CSN3: variants seen among roughly 807,000 people sequenced by gnomAD.
The protein encoded by CSN3 is casein kappa.
A neutral mutation model predicts 9.9 loss-of-function variants in CSN3; 7 were observed. The ratio of observed to expected loss-of-function variants is 0.71; its 90% CI spans 0.40 to 1.33. CSN3 has a LOEUF of 1.33. Among genes scored for constraint, CSN3 ranks in the 40% most tolerant of loss-of-function variants. CSN3 has a pLI of 0.01. For synonymous variants in CSN3, 88 were observed against 82.3 expected (o/e 1.07, Z -0.37); for missense variants, 253 against 227.9 (o/e 1.11, Z -0.71).
intron 2 of CSN3, among the ~76,000 whole-genome samples, chr4:70,247,437 G>A (rs1730401960): frequency 6.6e-6 from 1 of 152,006 alleles, no homozygotes; most frequent in African/African-American, 2.4e-5. Context: ...AAGGAAAAAA[G>A]GCTCAATGCT....
intron 2 of CSN3, among the ~76,000 whole-genome samples, chr4:70,246,523 AAAAG>A (rs1011637409): frequency 6.6e-6 from 1 of 152,090 alleles, no homozygotes; most frequent in African/African-American, 2.4e-5. Flanking sequence ...ATAAATAAAA[AAAAG>A]AGACACCACA....
At chr4:70,246,836 T>C (rs536803226) in intron 2 of CSN3, among the ~76,000 whole-genome samples, 1 of 152,114 alleles carries the variant, frequency 6.6e-6, no homozygotes, top group South Asian at 2.1e-4. Context: ...CATGCCCAGC[T>C]AATTTTTGTA....
Position 70,242,864 on chromosome 4 carries a change from T to C in CSN3, c.-9+199T>C, listed in dbSNP as rs536659998. Reference sequence around the variant, plus strand: ...TTATGTTCAAATTTATTTTTAACTTTACTTTGGGTTCCAGTCAAATTCTGA... The same window carrying C: ...TTATGTTCAAATTTATTTTTAACTTCACTTTGGGTTCCAGTCAAATTCTGA... On this transcript the variant is annotated intron_variant, in intron 1 of 4. Transcript: ENST00000304954. Among the ~76,000 whole-genome samples, 4 of 152,262 alleles carry C rather than the reference T, an allele frequency of 2.6e-5. No homozygotes were observed. The East Asian group carries it at 5.8e-4, about 22-fold the overall frequency.
chr4:70,238,745 A>G (rs997393109), upstream of CSN3, among the ~76,000 whole-genome samples: 2 of 151,808 alleles, frequency 1.3e-5, no homozygotes, highest in Non-Finnish European at 2.9e-5. Context: ...GATTTGGGGT[A>G]TATTGTTAAG....
chr4:70,249,597 A>G, intron 4 of CSN3, 104 bp downstream of exon 4: 1 of 725,260 alleles, frequency 1.4e-6, no homozygotes, highest in Non-Finnish European at 2.2e-6. Context: ...TAAGTGTGTT[A>G]CAGAAGCAGA....
chr4:70,245,467 A>G (rs77661293), intron 2 of CSN3, among the ~76,000 whole-genome samples: 1 of 152,334 alleles, frequency 6.6e-6, no homozygotes, highest in African/African-American at 2.4e-5. Flanking sequence ...GAAGGCTTGC[A>G]GGCATTATCT....
intron 2 of CSN3, among the ~76,000 whole-genome samples, chr4:70,246,023 C>T (rs946929012): frequency 2.6e-5 from 4 of 152,116 alleles, no homozygotes; most frequent in South Asian, 2.1e-4. Flanking sequence ...AACATTCCTT[C>T]CCATTTTCAC....
chr4:70,247,304 C>T (rs3775746), intron 2 of CSN3, among the ~76,000 whole-genome samples: 16,760 of 151,944 alleles, frequency 0.11, 993 homozygotes, highest in Non-Finnish European at 0.14. Flanking sequence ...AAGAAAAGCA[C>T]TATAAAAACA....
At chr4:70,246,847 T>A (rs1369743016) in intron 2 of CSN3, among the ~76,000 whole-genome samples, 1 of 151,970 alleles carries the variant, frequency 6.6e-6, no homozygotes, top group Non-Finnish European at 1.5e-5. Flanking sequence ...AATTTTTGTA[T>A]TTTTAGTAGA....
upstream of CSN3, among the ~76,000 whole-genome samples, chr4:70,240,332 CT>C (rs1164855515): frequency 1.3e-5 from 2 of 151,952 alleles, no homozygotes; most frequent in Non-Finnish European, 2.9e-5. Flanking sequence ...TGAATATACA[CT>C]GATTATCAGG....
At chr4:70,249,574 C>A in intron 4 of CSN3, 81 bp downstream of exon 4, 1 of 854,082 alleles carries the variant, frequency 1.2e-6, no homozygotes. Context: ...TAAAATAGTA[C>A]AAATAGATAA....
rs3775740 is a variant in CSN3 at position 70,249,336 on chromosome 4, T to G, written c.426T>G (p.Pro142=). The G allele has an allele frequency of 6.2e-6, 10 of 1,613,922 alleles. No individual in the cohort carries two copies. The South Asian group carries it at 1.1e-4, about 18-fold the overall frequency. Residue 142 remains proline, a synonymous_variant, in exon 4 of 5, where the codon CCT becomes CCG. Transcript: ENST00000304954. Reference sequence around the variant, plus strand: ...TCAATACCATTGCTACTGTTGAACCTACACCAGCTCCTGCCACTGAACCAA... The same window carrying G: ...TCAATACCATTGCTACTGTTGAACCGACACCAGCTCCTGCCACTGAACCAA...
chr4:70,240,135 A>G (rs1200986898), upstream of CSN3, among the ~76,000 whole-genome samples: 2 of 152,020 alleles, frequency 1.3e-5, no homozygotes, highest in Admixed American at 1.3e-4. Context: ...TAAAACAGAC[A>G]TGAAGTACAT....
intron 2 of CSN3, 45 bp downstream of exon 2, chr4:70,244,918 T>G (rs1440637442): frequency 2.3e-6 from 3 of 1,292,404 alleles, no homozygotes; most frequent in Non-Finnish European, 3.2e-6. Flanking sequence ...TTTAAGAAAA[T>G]TTTGTTTAAG....
At chr4:70,250,179 A>G (rs1237161465) in intron 4 of CSN3, among the ~76,000 whole-genome samples, 1 of 152,246 alleles carries the variant, frequency 6.6e-6, no homozygotes, top group East Asian at 1.9e-4. Flanking sequence ...ATATAAAATA[A>G]TTTGAAACTT....
chr4:70,249,608 C>A lies in CSN3; in HGVS notation c.*34+115C>A. 7 of 675,646 alleles carry A rather than the reference C, an allele frequency of 1.0e-5. No individual in the cohort carries two copies. The South Asian group carries it at 1.2e-4, about 12-fold the overall frequency. 41.9% of individuals were successfully genotyped at this position (675,646 alleles called of 1,614,324 possible). ...AAACTAAGTGTGTTACAGAAGCAGACAAAACAGGGTACTTACAGTTTTACC... is the reference window on the plus strand; with the variant it reads ...AAACTAAGTGTGTTACAGAAGCAGAAAAAACAGGGTACTTACAGTTTTACC... On this transcript the variant is annotated intron_variant, in intron 4 of 4. Transcript: ENST00000304954.
At chr4:70,240,769 A>G (rs889136806), upstream of CSN3, among the ~76,000 whole-genome samples, 1 of 152,034 alleles carries the variant, frequency 6.6e-6, no homozygotes, top group Non-Finnish European at 1.5e-5. Flanking sequence ...TGCTTTGGTT[A>G]CTAATTTATC....
At chr4:70,244,762 T>C in intron 1 of CSN3, 50 bp from the exon 2 acceptor site, 2 of 1,153,932 alleles carry the variant, frequency 1.7e-6, no homozygotes, top group Admixed American at 2.5e-5. Flanking sequence ...ACTCCTAAAT[T>C]TCTAGTAACA....
chr4:70,243,348 A>G (rs1422809982), intron 1 of CSN3, among the ~76,000 whole-genome samples: 2 of 152,140 alleles, frequency 1.3e-5, no homozygotes, highest in East Asian at 3.8e-4. Flanking sequence ...ATCCTAAAAG[A>G]TCACTAGCAA....
Sources: allele counts gnomAD v4.1 joint callset (sites outside exome capture counted in the v4.1 genomes callset), GRCh38; gene constraint gnomAD v4.1.1; transcripts MANE v1.5; gene names NCBI Gene and HGNC (gene_info 2026-07-23, HGNC 2026-07-21).